Variants in CDC45 observed in about 807,000 individuals in gnomAD.
CDC45 encodes the protein cell division control protein 45 homolog.
Under a neutral mutation model 77.8 loss-of-function variants are expected in CDC45, and 54 were observed. The ratio of observed to expected loss-of-function variants is 0.69; its 90% CI spans 0.56 to 0.87. CDC45 has a LOEUF of 0.87. Among genes scored for constraint, CDC45 ranks in the 40% least tolerant of loss-of-function variants. CDC45 has a pLI of 0.00. For synonymous variants in CDC45, 260 were observed against 272.1 expected, an observed-to-expected ratio of 0.96 and a Z score of 0.44; for missense variants, 649 against 721.6, an observed-to-expected ratio of 0.90 and a Z score of 1.15.
chr22:19,496,988 G>A (rs754817580), intron 7 of CDC45, among the ~76,000 whole-genome samples: 16 of 152,200 alleles, frequency 1.1e-4, no homozygotes, highest in African/African-American at 2.4e-4. Flanking sequence ...AGGAGTGTGC[G>A]GATGCAGAGC....
rs774603268 is a variant in CDC45, at chr22:19,482,737, G to T, written c.252G>T (p.Leu84Phe). 6.2e-7 allele frequency: 1 copy of T among 1,612,210 alleles called. No individual in the cohort carries two copies. Among genetic ancestry groups the T allele is most frequent in the Non-Finnish European group, 8.5e-7 (1 of 1,178,294 alleles). The change falls in exon 4 of 19, where the codon TTG becomes TTT. Residue 84 changes from leucine (L) to phenylalanine (F), a missense_variant. Coordinates refer to ENST00000263201, the MANE Select transcript of CDC45 (RefSeq NM_003504.5). ...ACTGTGGAGCTAATGTAGACCTATTGGATATTCTTCAACCTGATGAAGACA... is the reference window on the plus strand; with the variant it reads ...ACTGTGGAGCTAATGTAGACCTATTTGATATTCTTCAACCTGATGAAGACA... The part of the protein sequence containing the change: ...LINCGANVDL[L>F]DILQPDEDTI...
chr22:19,513,563 A>G (rs530714772), intron 13 of CDC45, among the ~76,000 whole-genome samples: 3 of 152,154 alleles, frequency 2.0e-5, no homozygotes, highest in African/African-American at 7.2e-5. Context: ...CACAGCCTGG[A>G]CCTACAGCTC....
intron 5 of CDC45, among the ~76,000 whole-genome samples, chr22:19,490,448 CA>C (rs2090137710): frequency 6.6e-6 from 1 of 151,834 alleles, no homozygotes; most frequent in African/African-American, 2.4e-5. Flanking sequence ...GATCTTGGCT[CA>C]CTGCAACCTC....
intron 8 of CDC45, 33 bp downstream of exon 8, chr22:19,497,480 A>G (rs752442384): frequency 4.4e-6 from 7 of 1,592,604 alleles, no homozygotes; most frequent in Non-Finnish European, 4.3e-6. Context: ...GTGTGGGAGT[A>G]TTTGTTGCCT....
chr22:19,504,701 A>C (rs867566629), intron 9 of CDC45, among the ~76,000 whole-genome samples: 1 of 151,862 alleles, frequency 6.6e-6, no homozygotes, highest in African/African-American at 2.4e-5. Context: ...TACAAACTGC[A>C]CTCTTGGTTT....
chr22:19,479,938 C>T lies in CDC45; in HGVS notation c.-31C>T. 6.2e-7 allele frequency: 1 copy of T among 1,611,912 alleles called. No homozygotes were observed. The highest frequency in any genetic ancestry group is 8.5e-7 in the Non-Finnish European group (1 of 1,179,768). On this transcript the variant is annotated 5_prime_UTR_variant, in exon 1 of 19. Coordinates refer to ENST00000263201, the MANE Select transcript of CDC45 (RefSeq NM_003504.5). ...CGCCGCCGGGCTCTTGGTACCTCAG[C>T]GCGAGCGCCAGGCGTCCGGCCGCCG...
intron 7 of CDC45, 104 bp from the exon 8 acceptor site, chr22:19,497,282 A>C: frequency 1.0e-6 from 1 of 975,286 alleles, no homozygotes; most frequent in Non-Finnish European, 1.6e-6. Context: ...CTCCATCCGC[A>C]GGGGTTTGCC....
intron 12 of CDC45, among the ~76,000 whole-genome samples, chr22:19,508,236 C>G (rs1162506227): frequency 6.6e-6 from 1 of 152,150 alleles, no homozygotes; most frequent in East Asian, 1.9e-4. Flanking sequence ...ATGGGCACTC[C>G]TGGAGGCCCC....
intron 6 of CDC45, among the ~76,000 whole-genome samples, chr22:19,495,538 C>G (rs1399034670): frequency 6.6e-6 from 1 of 152,148 alleles, no homozygotes; most frequent in Admixed American, 6.5e-5. Flanking sequence ...CAATAAGTGG[C>G]CAGGTGTTGT....
chr22:19,505,538 GT>G (rs1415321665), intron 10 of CDC45, 57 bp downstream of exon 10: 1 of 1,599,438 alleles, frequency 6.3e-7, no homozygotes, highest in Admixed American at 1.7e-5. Context: ...AGCAGGCCTT[GT>G]TTGCTTTGTC....
intron 17 of CDC45, 136 bp from the exon 18 acceptor site, chr22:19,518,707 AG>A: frequency 1.4e-6 from 1 of 703,916 alleles, no homozygotes; most frequent in South Asian, 1.6e-5. Context: ...ACAACCACTG[AG>A]TGCAGAATAC....
At chr22:19,510,503 T>C (rs149774254) in intron 13 of CDC45, among the ~76,000 whole-genome samples, 123 of 152,238 alleles carry the variant, frequency 8.1e-4, no homozygotes, top group African/African-American at 2.9e-3. Context: ...TCATCTATAT[T>C]GTAGGATGTA....
chr22:19,499,069 T>C (rs988083035), intron 8 of CDC45, 32 bp from the exon 9 acceptor site: 4 of 1,612,544 alleles, frequency 2.5e-6, no homozygotes, highest in African/African-American at 1.3e-5. Flanking sequence ...AGGTGGGCTA[T>C]AGGCCGGCTC....
At chr22:19,504,722 TC>T (rs1933059633) in intron 9 of CDC45, among the ~76,000 whole-genome samples, 1 of 152,184 alleles carries the variant, frequency 6.6e-6, no homozygotes, top group African/African-American at 2.4e-5. Context: ...AGTCAGCTCC[TC>T]GTGGGGTCCT....
At chr22:19,502,530 C>G (rs1184125451) in intron 9 of CDC45, among the ~76,000 whole-genome samples, 19 of 152,148 alleles carry the variant, frequency 1.2e-4, no homozygotes, top group Admixed American at 1.2e-3. Flanking sequence ...AAAGGTACAG[C>G]TTTTACTGCA....
chr22:19,510,709 A>G (rs1269727661), intron 13 of CDC45, among the ~76,000 whole-genome samples: 4 of 152,022 alleles, frequency 2.6e-5, no homozygotes, highest in Non-Finnish European at 5.9e-5. Context: ...TTGTAGTTTT[A>G]ATAGAGACGG....
chr22:19,507,001 C>G (rs1460147381), intron 10 of CDC45, among the ~76,000 whole-genome samples: 2 of 151,756 alleles, frequency 1.3e-5, no homozygotes, highest in African/African-American at 4.8e-5. Flanking sequence ...GTGGAGGGCT[C>G]TCCGGAGGAA....
intron 1 of CDC45, 69 bp downstream of exon 1, chr22:19,480,088 G>C (rs944849953): frequency 6.2e-7 from 1 of 1,612,458 alleles, no homozygotes; most frequent in Non-Finnish European, 8.5e-7. Flanking sequence ...AGCGACCGTG[G>C]GTGACCGGGA....
chr22:19,494,295 T>C (rs2090202683), intron 5 of CDC45, 32 bp from the exon 6 acceptor site: 2 of 1,604,444 alleles, frequency 1.2e-6, no homozygotes, highest in African/African-American at 1.3e-5. Flanking sequence ...GTGCATTTGC[T>C]CCACCTTTTG....
Sources: gnomAD v4.1 joint callset for allele counts (sites outside exome capture counted in the v4.1 genomes callset) on GRCh38, gnomAD v4.1.1 for gene constraint, MANE v1.5 for transcripts, NCBI Gene and HGNC (gene_info 2026-07-23, HGNC 2026-07-21) for gene names.